Variants in GABRB3 observed in about 807,000 individuals in gnomAD.
The protein encoded by GABRB3 is gamma-aminobutyric acid type A receptor subunit beta3, also known as gamma-aminobutyric acid receptor subunit beta-3.
Under a neutral mutation model 52.1 loss-of-function variants are expected in GABRB3, and 14 were observed. The ratio of observed to expected loss-of-function variants is 0.27; its 90% CI spans 0.18 to 0.42. The LOEUF (loss-of-function observed/expected upper bound fraction) is 0.42. Among genes scored for constraint, GABRB3 ranks in the 10% least tolerant of loss-of-function variants. The pLI is 1.00. For synonymous variants in GABRB3, 260 were observed against 232.3 expected (o/e 1.12, Z -1.08); for missense variants, 307 against 609.1 (o/e 0.50, Z 5.22).
chr15:26,764,182 ATATATATATATATATATATATATATATAT>A (rs1890927515), intron 3 of GABRB3, among the ~76,000 whole-genome samples: 1 of 4,564 alleles, frequency 2.2e-4, no homozygotes, highest in African/African-American at 9.7e-4. Flanking sequence ...AAAAAAAAAT[ATATATATATATATATATATATATATATAT>A]ATATATATAT....
At chr15:26,772,074 G>A (rs963504730) in intron 3 of GABRB3, 4 of 281,746 alleles carry the variant, frequency 1.4e-5, no homozygotes, top group Non-Finnish European at 2.6e-5. Flanking sequence ...GCGAGACAGC[G>A]CTCGGGAAAC....
rs958304626 is a variant in GABRB3 at position 26,560,825 on chromosome 15, G to A, written c.1080+107C>T. The A allele has an allele frequency of 2.0e-6, 3 of 1,493,734 alleles. No homozygotes were observed. In the African/African-American group the frequency reaches 4.2e-5, roughly 21 times the overall value. 92.5% of individuals were successfully genotyped at this position (1,493,734 alleles called of 1,614,324 possible). A position where few individuals can be genotyped will look rare whatever the true frequency, so the allele number is the denominator to read the frequency against. The stretch of plus-strand genomic sequence containing the variant: ...TATCACAAGTACAAGAAGGGTGTGT[G>A]GCTTGACATACACTACTGGGGAAAA... On this transcript the variant is annotated intron_variant, in intron 8 of 8. Coordinates refer to ENST00000311550, the MANE Select transcript of GABRB3 (RefSeq NM_000814.6).
chr15:26,616,205 G>C, intron 4 of GABRB3: 1 of 591,824 alleles, frequency 1.7e-6, no homozygotes, highest in Admixed American at 2.5e-5. Context: ...ATGGAGGGTG[G>C]CTGAGCCATG....
intron 6 of GABRB3, among the ~76,000 whole-genome samples, chr15:26,573,047 G>C (rs1437785861): frequency 1.3e-5 from 2 of 152,168 alleles, no homozygotes; most frequent in Non-Finnish European, 1.5e-5. Flanking sequence ...GGTCATGCCA[G>C]CTTTGTAGAG....
At chr15:26,578,186 A>G (rs894683242) in intron 6 of GABRB3, among the ~76,000 whole-genome samples, 1 of 152,238 alleles carries the variant, frequency 6.6e-6, no homozygotes, top group Non-Finnish European at 1.5e-5. Context: ...GTGGAAAGGA[A>G]AATAAATTAG....
At chr15:26,691,033 C>T (rs1888572146) in intron 3 of GABRB3, among the ~76,000 whole-genome samples, 1 of 151,654 alleles carries the variant, frequency 6.6e-6, no homozygotes, top group Non-Finnish European at 1.5e-5. Context: ...AATGCATCTT[C>T]CCATTCCTGG....
chr15:26,631,627 A>G (rs1172797563), intron 3 of GABRB3, among the ~76,000 whole-genome samples: 1 of 152,200 alleles, frequency 6.6e-6, no homozygotes, highest in African/African-American at 2.4e-5. Context: ...CATAAGCCCT[A>G]GGTGGTGGTG....
intron 4 of GABRB3, chr15:26,615,418 C>G: frequency 1.0e-6 from 1 of 986,230 alleles, no homozygotes; most frequent in Non-Finnish European, 1.2e-6. Flanking sequence ...CAGCTGAGCT[C>G]AAGCTGGTAA....
intron 3 of GABRB3, among the ~76,000 whole-genome samples, chr15:26,661,744 C>G (rs1566795142): frequency 1.3e-5 from 2 of 152,104 alleles, no homozygotes; most frequent in African/African-American, 4.8e-5. Flanking sequence ...GATGCAAGAG[C>G]TCATCCCACC....
intron 3 of GABRB3, among the ~76,000 whole-genome samples, chr15:26,637,851 T>A (rs1318403073): frequency 1.3e-5 from 2 of 152,092 alleles, no homozygotes; most frequent in Non-Finnish European, 2.9e-5. Context: ...ACCAGCTCTA[T>A]GAGGACTCCA....
At chr15:26,740,712 C>T (rs1890181789) in intron 3 of GABRB3, among the ~76,000 whole-genome samples, 1 of 152,156 alleles carries the variant, frequency 6.6e-6, no homozygotes, top group Non-Finnish European at 1.5e-5. Flanking sequence ...GAAGCACATT[C>T]ACAGTATCAG....
chr15:26,581,371 G>A (rs1890781829), intron 5 of GABRB3, among the ~76,000 whole-genome samples: 1 of 152,144 alleles, frequency 6.6e-6, no homozygotes, highest in Non-Finnish European at 1.5e-5. Context: ...AAGCTGTAGG[G>A]TGGGGAAGAG....
At chr15:26,618,834 A>G (rs567461380) in intron 4 of GABRB3, among the ~76,000 whole-genome samples, 1 of 152,222 alleles carries the variant, frequency 6.6e-6, no homozygotes, top group South Asian at 2.1e-4. Context: ...AAAAACAAAC[A>G]ATCCCATCAA....
chr15:26,697,877 C>G (rs1254586397), intron 3 of GABRB3, among the ~76,000 whole-genome samples: 3 of 152,198 alleles, frequency 2.0e-5, no homozygotes, highest in Admixed American at 2.0e-4. Flanking sequence ...TTTCTCCCAG[C>G]AGAACTCCGG....
intron 8 of GABRB3, among the ~76,000 whole-genome samples, chr15:26,554,930 G>A (rs796902887): frequency 4.6e-5 from 7 of 152,154 alleles, no homozygotes; most frequent in East Asian, 3.9e-4. Context: ...CTGTAATCCC[G>A]GCACTTTGGG....
At chr15:26,681,481 C>T (rs574145187) in intron 3 of GABRB3, among the ~76,000 whole-genome samples, 44 of 152,266 alleles carry the variant, frequency 2.9e-4, no homozygotes, top group Middle Eastern at 6.8e-3. Context: ...AGTCAGAGCA[C>T]CCAGGAAAAG....
intron 3 of GABRB3, among the ~76,000 whole-genome samples, chr15:26,671,852 G>A (rs879541175): frequency 2.0e-5 from 3 of 152,126 alleles, no homozygotes; most frequent in South Asian, 2.1e-4. Flanking sequence ...CAGACCACAC[G>A]CAGGGAATTC....
intron 8 of GABRB3, among the ~76,000 whole-genome samples, chr15:26,560,469 A>C (rs1053953298): frequency 7.9e-5 from 12 of 152,186 alleles, no homozygotes; most frequent in African/African-American, 2.9e-4. Context: ...TCCACTTCTC[A>C]ATAGGCTGCC....
rs377101113 is a variant in GABRB3 at position 26,555,212 on chromosome 15, A to C, written c.1080+5720T>G. Among the ~76,000 whole-genome samples, 19 of 152,080 alleles carry C rather than the reference A, an allele frequency of 1.2e-4. No homozygotes were observed. The East Asian group carries it at 3.5e-3, about 28-fold the overall frequency. On this transcript the variant is annotated intron_variant, in intron 8 of 8. Transcript: ENST00000311550. The stretch of plus-strand genomic sequence containing the variant: ...AACAAAACAAAACAAAAAACAACCA[A>C]GGAAAATGTCATGGAGGAAAACATC...
Sources: gnomAD v4.1 joint callset for allele counts (sites outside exome capture counted in the v4.1 genomes callset) on GRCh38, gnomAD v4.1.1 for gene constraint, MANE v1.5 for transcripts, NCBI Gene and HGNC (gene_info 2026-07-23, HGNC 2026-07-21) for gene names.